Variants in FGF7 observed in about 807,000 individuals in gnomAD.
FGF7 encodes fibroblast growth factor 7.
In FGF7, 6 loss-of-function variants were observed where a neutral mutation model predicts 20.5. The ratio of observed to expected loss-of-function variants is 0.29; its 90% CI spans 0.16 to 0.58. The LOEUF (loss-of-function observed/expected upper bound fraction) is 0.58. Among genes scored for constraint, FGF7 ranks in the 20% least tolerant of loss-of-function variants. FGF7 has a pLI of 0.90. For missense variants in FGF7, 144 were observed against 228.8 expected, an observed-to-expected ratio of 0.63 and a Z score of 2.39; for synonymous variants, 64 against 74.7, an observed-to-expected ratio of 0.86 and a Z score of 0.74.
intron 1 of FGF7, among the ~76,000 whole-genome samples, chr15:49,423,776 G>C (rs1290207413): frequency 6.6e-6 from 1 of 152,080 alleles, no homozygotes; most frequent in Non-Finnish European, 1.5e-5. Flanking sequence ...GTGCAGTATG[G>C]TTCTCACAAA....
At chr15:49,449,510 C>T (rs2052528345) in intron 2 of FGF7, among the ~76,000 whole-genome samples, 1 of 151,972 alleles carries the variant, frequency 6.6e-6, no homozygotes, top group Non-Finnish European at 1.5e-5. Context: ...ATAGGATACC[C>T]AGAATGCAAT....
chr15:49,449,453 T>A (rs1404445263), intron 2 of FGF7, among the ~76,000 whole-genome samples: 1 of 152,008 alleles, frequency 6.6e-6, no homozygotes, highest in African/African-American at 2.4e-5. Context: ...TAAACATGAT[T>A]TCTCAGATTT....
At chr15:49,432,969 C>G (rs2050747563) in intron 2 of FGF7, among the ~76,000 whole-genome samples, 2 of 151,418 alleles carry the variant, frequency 1.3e-5, no homozygotes, top group South Asian at 4.2e-4. Context: ...TTGAAAAATT[C>G]TTACTGTATA....
At chr15:49,455,850 T>C (rs971504400) in intron 2 of FGF7, among the ~76,000 whole-genome samples, 5 of 152,210 alleles carry the variant, frequency 3.3e-5, no homozygotes, top group Non-Finnish European at 5.9e-5. Context: ...ACCATGGCTT[T>C]TTTCTTTTTT....
intron 2 of FGF7, among the ~76,000 whole-genome samples, chr15:49,429,235 T>C (rs560192983): frequency 1.3e-5 from 2 of 152,090 alleles, no homozygotes; most frequent in South Asian, 4.1e-4. Context: ...ATAGACAAGG[T>C]AGAATCTTGT....
rs2056263021 is a variant in FGF7, at chr15:49,484,731, G to A, written c.*227G>A. ...ACAAAAATCAGATTTAGTAACTAAA[G>A]GTTGTAAAAAATTGTAAAACTGGTT... is the stretch of plus-strand genomic sequence containing the variant. On this transcript the variant is annotated 3_prime_UTR_variant, in exon 4 of 4. Coordinates refer to ENST00000267843, the MANE Select transcript of FGF7 (RefSeq NM_002009.4). 1 of 359,104 alleles carries A rather than the reference G, an allele frequency of 2.8e-6. No individual in the cohort carries two copies. The highest frequency in any genetic ancestry group is 5.0e-6 in the Non-Finnish European group (1 of 201,594). 22.2% of individuals were successfully genotyped at this position (359,104 alleles called of 1,614,324 possible).
At chr15:49,460,548 T>C (rs561041287) in intron 2 of FGF7, among the ~76,000 whole-genome samples, 16 of 152,306 alleles carry the variant, frequency 1.1e-4, no homozygotes, top group African/African-American at 3.1e-4. Context: ...TCTTCACAGT[T>C]CAGGCGATCA....
At chr15:49,484,201 A>C (rs2056202414) in intron 3 of FGF7, 109 bp from the exon 4 acceptor site, 1 of 690,074 alleles carries the variant, frequency 1.4e-6, no homozygotes, top group Non-Finnish European at 2.4e-6. Flanking sequence ...GGGTTAAAAA[A>C]AGTTGTGTAT....
At chr15:49,455,345 C>T (rs1346712119) in intron 2 of FGF7, among the ~76,000 whole-genome samples, 1 of 152,142 alleles carries the variant, frequency 6.6e-6, no homozygotes, top group African/African-American at 2.4e-5. Flanking sequence ...TGTATTTATA[C>T]ACAGCTTTCA....
Position 49,450,881 on chromosome 15 carries a change from C to T in FGF7, c.286+26298C>T, listed in dbSNP as rs140222002. Among the ~76,000 whole-genome samples the T allele has an allele frequency of 5.6e-3, 846 of 152,154 alleles. 6 individuals are homozygous for T. The highest frequency in any genetic ancestry group is 0.019 in the African/African-American group (806 of 41,532). On this transcript the variant is annotated intron_variant, in intron 2 of 3. Coordinates refer to ENST00000267843, the MANE Select transcript of FGF7 (RefSeq NM_002009.4). ...CCAGTTATTCTTTTCCACATGTGGG[C>T]TGAACCTATTTGGGAAAAAAACTAA...
chr15:49,461,560 G>A (rs972763051), intron 2 of FGF7, among the ~76,000 whole-genome samples: 1 of 152,138 alleles, frequency 6.6e-6, no homozygotes, highest in African/African-American at 2.4e-5. Context: ...CTTTGAAAGA[G>A]CCACGTACTT....
At chr15:49,476,013 C>T (rs998781555) in intron 2 of FGF7, among the ~76,000 whole-genome samples, 14 of 152,092 alleles carry the variant, frequency 9.2e-5, no homozygotes, top group Admixed American at 8.5e-4. Context: ...TAGTTTCAAT[C>T]TTCTGAACAT....
At chr15:49,451,316 A>G (rs2052715382) in intron 2 of FGF7, among the ~76,000 whole-genome samples, 1 of 152,096 alleles carries the variant, frequency 6.6e-6, no homozygotes, top group Non-Finnish European at 1.5e-5. Context: ...ATAAAAACTA[A>G]AAAAGTTTTA....
At chr15:49,428,111 G>C (rs2050282470) in intron 2 of FGF7, among the ~76,000 whole-genome samples, 1 of 151,932 alleles carries the variant, frequency 6.6e-6, no homozygotes. Context: ...GGGAATTCAT[G>C]AGAGGCCAAG....
At chr15:49,452,448 G>GA (rs754057390) in intron 2 of FGF7, among the ~76,000 whole-genome samples, 23 of 152,046 alleles carry the variant, frequency 1.5e-4, no homozygotes, top group Admixed American at 2.6e-4. Flanking sequence ...CTTGCTATGG[G>GA]AAAAAATGTT....
At chr15:49,478,671 A>G (rs1293949074) in intron 2 of FGF7, among the ~76,000 whole-genome samples, 1 of 152,112 alleles carries the variant, frequency 6.6e-6, no homozygotes, top group Non-Finnish European at 1.5e-5. Context: ...CTTTTTTTCC[A>G]ACTTGAAAAT....
At chr15:49,457,537 A>T (rs920713883) in intron 2 of FGF7, among the ~76,000 whole-genome samples, 1 of 152,014 alleles carries the variant, frequency 6.6e-6, no homozygotes, top group African/African-American at 2.4e-5. Flanking sequence ...ATAAGTAACT[A>T]CATTATCAAA....
Position 49,460,553 on chromosome 15 carries a change from C to G in FGF7, c.287-22598C>G, listed in dbSNP as rs182448546. On this transcript the variant is annotated intron_variant, in intron 2 of 3. Transcript: ENST00000267843. ...TTTTGACATTTCTTCACAGTTCAGG[C>G]GATCATTACCAAATATTCGAGGTGG... 9.2e-5 allele frequency among the ~76,000 whole-genome samples: 14 copies of G among 152,188 alleles called. No individual in the cohort carries two copies. In the East Asian group the frequency reaches 2.7e-3, roughly 29 times the overall value.
At chr15:49,442,387 C>T (rs1863121334) in intron 2 of FGF7, among the ~76,000 whole-genome samples, 1 of 151,682 alleles carries the variant, frequency 6.6e-6, no homozygotes, top group Admixed American at 6.6e-5. Flanking sequence ...CTGCACACTG[C>T]TGAGTACCTT....
Sources: allele counts gnomAD v4.1 joint callset (sites outside exome capture counted in the v4.1 genomes callset), GRCh38; gene constraint gnomAD v4.1.1; transcripts MANE v1.5; gene names NCBI Gene and HGNC (gene_info 2026-07-23, HGNC 2026-07-21).